CCBE1: variants seen among roughly 807,000 people sequenced by gnomAD.
The protein encoded by CCBE1 is collagen and calcium binding EGF domains 1, also known as collagen and calcium-binding EGF domain-containing protein 1.
In CCBE1, 37 loss-of-function variants were observed where a neutral mutation model predicts 50.0. The observed-to-expected ratio is 0.74, with a 90% CI of 0.57 to 0.97. The LOEUF (loss-of-function observed/expected upper bound fraction) is 0.97, where lower values mean the gene tolerates loss of function less well. CCBE1 is among the 50% of genes least tolerant of loss of function. The probability of loss-of-function intolerance (pLI) is 0.00; values close to 1 mark genes in which losing one functional copy is unlikely to be tolerated. For synonymous variants in CCBE1, 234 were observed against 203.7 expected (o/e 1.15, Z -1.27); for missense variants, 538 against 523.8 (o/e 1.03, Z -0.26).
intron 2 of CCBE1, among the ~76,000 whole-genome samples, chr18:59,505,512 T>C (rs2143850571): frequency 6.6e-6 from 1 of 152,260 alleles, no homozygotes; most frequent in East Asian, 1.9e-4. Flanking sequence ...ATGTAAAAAA[T>C]AGATGCTAAA....
chr18:59,650,532 G>A (rs1365008754), intron 2 of CCBE1, among the ~76,000 whole-genome samples: 1 of 151,732 alleles, frequency 6.6e-6, no homozygotes, highest in Non-Finnish European at 1.5e-5. Flanking sequence ...TCGTTTCAGA[G>A]AAGACCTCAG....
At chr18:59,473,592 T>A (rs952300570) in intron 3 of CCBE1, among the ~76,000 whole-genome samples, 4 of 151,960 alleles carry the variant, frequency 2.6e-5, no homozygotes, top group Non-Finnish European at 5.9e-5. Flanking sequence ...TTCCCTATTG[T>A]TAATTTCTTT....
intron 2 of CCBE1, among the ~76,000 whole-genome samples, chr18:59,678,537 A>ATTATAC (rs2054539936): frequency 6.6e-6 from 1 of 151,668 alleles, no homozygotes; most frequent in African/African-American, 2.4e-5. Flanking sequence ...TATTTAAAAA[A>ATTATAC]TTATATGTAT....
intron 2 of CCBE1, among the ~76,000 whole-genome samples, chr18:59,605,061 GCCTGACTT>G (rs2053479650): frequency 1.3e-5 from 2 of 152,182 alleles, no homozygotes; most frequent in South Asian, 2.1e-4. Context: ...GCATGTTCTG[GCCTGACTT>G]GATTGCAAAG....
intron 6 of CCBE1, among the ~76,000 whole-genome samples, chr18:59,448,465 C>G (rs191989788): frequency 6.6e-6 from 1 of 152,082 alleles, no homozygotes; most frequent in Non-Finnish European, 1.5e-5. Context: ...CTACTATGTG[C>G]AGGTCCTGGC....
At position 59,697,349 on chromosome 18, in the gene CCBE1, A is replaced by G; in HGVS notation, c.-7T>C. On this transcript the variant is annotated 5_prime_UTR_variant, in exon 1 of 11. Transcript: ENST00000439986. Reference sequence around the variant, plus strand: ...TCGGAGGCGGCGGCACCATCAGGGAAGCTCCCGGCTTCTTCCCAGCGCCGA... The same window carrying G: ...TCGGAGGCGGCGGCACCATCAGGGAGGCTCCCGGCTTCTTCCCAGCGCCGA... 1 of 1,545,748 alleles carries G rather than the reference A, an allele frequency of 6.5e-7. No homozygotes were observed. The highest frequency in any genetic ancestry group is 8.7e-7 in the Non-Finnish European group (1 of 1,146,500).
chr18:59,608,121 A>G (rs2053525175), intron 2 of CCBE1, among the ~76,000 whole-genome samples: 1 of 152,242 alleles, frequency 6.6e-6, no homozygotes, highest in Admixed American at 6.5e-5. Flanking sequence ...CTCCGTCTCG[A>G]AAAATAATAA....
At chr18:59,492,221 A>G (rs1009874226) in intron 2 of CCBE1, among the ~76,000 whole-genome samples, 1 of 151,378 alleles carries the variant, frequency 6.6e-6, no homozygotes, top group African/African-American at 2.4e-5. Context: ...CCACATGCAT[A>G]TTTTAAAATA....
chr18:59,579,379 T>C (rs2053049866), intron 2 of CCBE1, among the ~76,000 whole-genome samples: 2 of 149,926 alleles, frequency 1.3e-5, no homozygotes, highest in African/African-American at 5.0e-5. Flanking sequence ...AGCTGACCAC[T>C]AGAATCACAT....
At chr18:59,468,171 C>T (rs370700590) in intron 4 of CCBE1, among the ~76,000 whole-genome samples, 1 of 152,140 alleles carries the variant, frequency 6.6e-6, no homozygotes, top group African/African-American at 2.4e-5. Flanking sequence ...GGAAGCTGAG[C>T]CCAGGAGTTC....
At chr18:59,516,744 G>C (rs1914391628) in intron 2 of CCBE1, among the ~76,000 whole-genome samples, 2 of 152,162 alleles carry the variant, frequency 1.3e-5, no homozygotes, top group Admixed American at 6.5e-5. Flanking sequence ...CAGACTCTTG[G>C]AAGGCAGAAT....
intron 2 of CCBE1, among the ~76,000 whole-genome samples, chr18:59,659,975 G>A (rs1202033225): frequency 6.6e-6 from 1 of 152,146 alleles, no homozygotes; most frequent in Non-Finnish European, 1.5e-5. Flanking sequence ...TCTCTGTCTA[G>A]CTGCGTCCCT....
intron 2 of CCBE1, among the ~76,000 whole-genome samples, chr18:59,567,510 C>T (rs1220486067): frequency 6.6e-6 from 1 of 152,222 alleles, no homozygotes; most frequent in Non-Finnish European, 1.5e-5. Context: ...GGAAATCCAG[C>T]AGACAGCGAT....
At chr18:59,445,236 C>CA (rs1391491619) in intron 7 of CCBE1, among the ~76,000 whole-genome samples, 2 of 152,122 alleles carry the variant, frequency 1.3e-5, no homozygotes, top group Non-Finnish European at 2.9e-5. Flanking sequence ...GGTAAGGGTC[C>CA]AACCTCATTC....
chr18:59,502,022 C>T (rs1476827718), intron 2 of CCBE1, among the ~76,000 whole-genome samples: 1 of 152,212 alleles, frequency 6.6e-6, no homozygotes, highest in Non-Finnish European at 1.5e-5. Context: ...TGATCTTAAA[C>T]TCCTGAACTC....
Position 59,435,395 on chromosome 18 carries a change from T to C in CCBE1, c.*513A>G, listed in dbSNP as rs1910105982. 1.2e-5 allele frequency: 2 copies of C among 162,574 alleles called. No individual in the cohort carries two copies. The highest frequency in any genetic ancestry group is 2.7e-5 in the Non-Finnish European group (2 of 73,962). 10.1% of individuals were successfully genotyped at this position (162,574 alleles called of 1,614,324 possible). ...GTCTACTAGAAGCACAAGGAAAAAA[T>C]TCTCCACCAAAGCACATCGACACGT... is the stretch of plus-strand genomic sequence containing the variant. On this transcript the variant is annotated 3_prime_UTR_variant, in exon 11 of 11. Transcript: ENST00000439986.
intron 2 of CCBE1, among the ~76,000 whole-genome samples, chr18:59,559,527 C>T (rs2564498): frequency 0.046 from 7,060 of 152,218 alleles, 539 homozygotes; most frequent in African/African-American, 0.16. Context: ...GACATTGCTG[C>T]GCAACCCAGT....
intron 2 of CCBE1, among the ~76,000 whole-genome samples, chr18:59,517,757 A>G (rs771064276): frequency 1.3e-5 from 2 of 152,238 alleles, no homozygotes; most frequent in Non-Finnish European, 2.9e-5. Context: ...GAGTTTCTCC[A>G]CTGGCCATTA....
intron 2 of CCBE1, among the ~76,000 whole-genome samples, chr18:59,628,484 C>T: frequency 6.6e-6 from 1 of 152,126 alleles, no homozygotes. Context: ...AAGATGGCAG[C>T]TTTTTACCTG....
Sources: gnomAD v4.1 joint callset for allele counts (sites outside exome capture counted in the v4.1 genomes callset) on GRCh38, gnomAD v4.1.1 for gene constraint, MANE v1.5 for transcripts, NCBI Gene and HGNC (gene_info 2026-07-23, HGNC 2026-07-21) for gene names.